Variants in HNRNPL observed in about 807,000 individuals in gnomAD.
HNRNPL encodes the protein epididymis secretory sperm binding protein.
A neutral mutation model predicts 64.0 loss-of-function variants in HNRNPL; 12 were observed. That is an observed-to-expected ratio of 0.19 (90% CI 0.12 to 0.30). The LOEUF (loss-of-function observed/expected upper bound fraction) is 0.30, where lower values mean the gene tolerates loss of function less well. HNRNPL is among the 10% of genes least tolerant of loss of function. HNRNPL has a pLI of 1.00. For synonymous variants in HNRNPL, 385 were observed against 313.0 expected (o/e 1.23, Z -2.43); for missense variants, 484 against 797.4 (o/e 0.61, Z 4.73).
chr19:38,839,094 A>C, intron 8 of HNRNPL, 79 bp from the exon 9 acceptor site: 1 of 1,570,386 alleles, frequency 6.4e-7, no homozygotes, highest in Non-Finnish European at 8.7e-7. Flanking sequence ...GTTAGTGATA[A>C]TAACCCCTGC....
intron 6 of HNRNPL, among the ~76,000 whole-genome samples, chr19:38,842,510 C>A (rs1420708596): frequency 6.6e-6 from 1 of 152,180 alleles, no homozygotes; most frequent in Non-Finnish European, 1.5e-5. Flanking sequence ...TGTCTCTGTG[C>A]TTGTAGCTGT....
chr19:38,843,211 G>A, intron 6 of HNRNPL, among the ~76,000 whole-genome samples: 1 of 152,080 alleles, frequency 6.6e-6, no homozygotes, highest in South Asian at 2.1e-4. Context: ...GTTTCTCATA[G>A]GCAATCCTCC....
In HNRNPL at chr19:38,838,502, C is replaced by T. The variant is rs1400199236; in HGVS notation, c.1452G>A (p.Arg484=). The T allele has an allele frequency of 6.2e-7, 1 of 1,614,082 alleles. No homozygotes were observed. The highest frequency in any genetic ancestry group is 8.5e-7 in the Non-Finnish European group (1 of 1,179,962). The change falls in exon 10 of 13, where the codon CGG becomes CGA. Residue 484 remains arginine (R), a synonymous_variant. Transcript: ENST00000221419. ...YKDFSESRNN[R]FSTPEQAAKN... is the part of the protein sequence containing the mutation. ...TGGCTGCCTGCTCTGGGGTGGAGAA[C>T]CGATTGTTCCGGGATTCACTGAAGT...
Position 38,836,736 on chromosome 19 carries a change from G to C in HNRNPL, c.1756C>G (p.Gln586Glu). The C allele has an allele frequency of 6.2e-7, 1 of 1,612,172 alleles. No individual in the cohort carries two copies. Among genetic ancestry groups the C allele is most frequent in the Non-Finnish European group, 8.5e-7 (1 of 1,178,740 alleles). The change falls in exon 13 of 13, where the codon CAG becomes GAG. Residue 586 changes from glutamine (Q) to glutamate (E), a missense_variant. Transcript: ENST00000221419. ...YTLKLCFSTA[Q>E]HAS is the part of the protein sequence containing the mutation. Reference sequence around the variant, plus strand: ...TAGGCACCTAATTAGGAGGCGTGCTGAGCAGTGGAGAAACACAACTTCAGA... The same window carrying C: ...TAGGCACCTAATTAGGAGGCGTGCTCAGCAGTGGAGAAACACAACTTCAGA...
At position 38,843,849 on chromosome 19, in the gene HNRNPL, A is replaced by C. The variant is rs747073174; in HGVS notation, c.873T>G (p.Ser291Arg). ...AGTGGTCGTCAAGATTACCTTGTCC[A>C]CTGAGATTGGGGTTTGTGTAGTCCC... is the stretch of plus-strand genomic sequence containing the variant. The part of the protein sequence containing the change: ...DTWDYTNPNL[S>R]GQGDPGSNPN... The change falls in exon 6 of 13, where the codon AGT becomes AGG. Residue 291 changes from serine (S) to arginine (R), a missense_variant. Transcript: ENST00000221419. 1.2e-6 allele frequency: 2 copies of C among 1,613,568 alleles called. No homozygotes were observed. The highest frequency in any genetic ancestry group is 1.7e-6 in the Non-Finnish European group (2 of 1,179,444).
upstream of HNRNPL, chr19:38,850,442 G>A (rs1972472480): frequency 6.4e-6 from 1 of 157,050 alleles, no homozygotes; most frequent in African/African-American, 2.4e-5. Flanking sequence ...GGTTACAGAT[G>A]CCCATTCTTC....
chr19:38,837,781 A>C (rs978069930), intron 10 of HNRNPL, 130 bp from the exon 11 acceptor site: 7 of 730,344 alleles, frequency 9.6e-6, no homozygotes, highest in African/African-American at 1.8e-5. Flanking sequence ...ATTTTATCAC[A>C]TACCCTAAGG....
intron 4 of HNRNPL, chr19:38,845,265 G>A: frequency 5.7e-6 from 1 of 175,396 alleles, no homozygotes; most frequent in Non-Finnish European, 1.2e-5. Flanking sequence ...ATCCTACTAG[G>A]AAGGCTGAGG....
At chr19:38,850,148 G>A (rs1437311252), upstream of HNRNPL, 3 of 494,348 alleles carry the variant, frequency 6.1e-6, no homozygotes, top group African/African-American at 2.0e-5. Flanking sequence ...GCCCTTGTTT[G>A]TCTGAGACAC....
chr19:38,845,829 C>T (rs971587337), intron 3 of HNRNPL, 24 bp downstream of exon 3: 1 of 1,607,216 alleles, frequency 6.2e-7, no homozygotes, highest in Non-Finnish European at 8.5e-7. Context: ...GGAGACCTCA[C>T]AAGAAATGCC....
chr19:38,845,046 A>C (rs1450596259), intron 4 of HNRNPL: 1 of 152,248 alleles, frequency 6.6e-6, no homozygotes, highest in Non-Finnish European at 1.5e-5. Context: ...TCCCAGGGGC[A>C]CATTTTCTCA....
chr19:38,848,590 G>C (rs1311715189), intron 1 of HNRNPL, among the ~76,000 whole-genome samples: 1 of 152,218 alleles, frequency 6.6e-6, no homozygotes, highest in Non-Finnish European at 1.5e-5. Flanking sequence ...TGGAAGGTGG[G>C]TAGAATTGGA....
rs377146945 is a variant in HNRNPL at position 38,838,585 on chromosome 19, G to T, written c.1369C>A (p.Pro457Thr). The change falls in exon 10 of 13, where the codon CCA becomes ACA. Residue 457 changes from proline (P) to threonine (T), a missense_variant. This residue lies in a region of HNRNPL where 53 missense variants were observed against 131.3 expected (regional missense o/e 0.40). Transcript: ENST00000221419. ...TATGACTGACCAGGCATGATGGCTG[G>T]CTGCTTGGAGACACTGCAGCAAGGA... ...QKLNVCVSKQ[P>T]AIMPGQSYGL... 3.6e-5 allele frequency: 58 copies of T among 1,613,832 alleles called. No individual in the cohort carries two copies. Among genetic ancestry groups the T allele is most frequent in the Non-Finnish European group, 4.8e-5 (57 of 1,179,912 alleles).
Position 38,837,669 on chromosome 19 carries a change from T to C in HNRNPL, c.1558-18A>G, listed in dbSNP as rs763191870. On this transcript the variant is annotated intron_variant, in intron 10 of 12. Coordinates refer to ENST00000221419, the MANE Select transcript of HNRNPL (RefSeq NM_001533.3). ...TCGCAGATCTGCAAAAGAAAACAGG[T>C]AGTAAATGAACTCTGAAACAAAAGG... 6.2e-7 allele frequency: 1 copy of C among 1,612,784 alleles called. No individual in the cohort carries two copies. Among genetic ancestry groups the C allele is most frequent in the East Asian group, 2.2e-5 (1 of 44,866 alleles).
intron 9 of HNRNPL, 75 bp downstream of exon 9, chr19:38,838,819 C>T: frequency 6.3e-7 from 1 of 1,591,390 alleles, no homozygotes; most frequent in South Asian, 1.1e-5. Context: ...CCTCACTGTG[C>T]TCCTCTGCTG....
rs1191326386 is a variant in HNRNPL at position 38,838,404 on chromosome 19, A to T, written c.1550T>A (p.Phe517Tyr). Residue 517 changes from phenylalanine to tyrosine, a missense_variant, in exon 10 of 13, where the codon TTC (phenylalanine) becomes TAC (tyrosine). By Grantham distance (22) the Phe-to-Tyr change is conservative. Coordinates refer to ENST00000221419, the MANE Select transcript of HNRNPL (RefSeq NM_001533.3). ...CAGCTCCACGGCACACACCTCAAAG[A>T]AGTTCTCCTCGGTCACCTCCAGCGG... ...NAPLEVTEEN[F>Y]FEICDELGVK... 2 of 1,610,276 alleles carry T rather than the reference A, an allele frequency of 1.2e-6. No homozygotes were observed. The highest frequency in any genetic ancestry group is 4.5e-5 in the East Asian group (2 of 44,798).
At chr19:38,840,655 C>G in intron 6 of HNRNPL, 96 bp from the exon 7 acceptor site, 1 of 999,358 alleles carries the variant, frequency 1.0e-6, no homozygotes, top group Non-Finnish European at 1.5e-6. Flanking sequence ...CCAGCTCCTG[C>G]CAACTGCAAG....
At chr19:38,845,475 G>A (rs920293770) in intron 4 of HNRNPL, 175 bp downstream of exon 4, 63 of 626,432 alleles carry the variant, frequency 1.0e-4, no homozygotes, top group Non-Finnish European at 1.5e-4. Context: ...ACGTCCACAC[G>A]ATATGCCTGG....
intron 2 of HNRNPL, 40 bp from the exon 3 acceptor site, chr19:38,846,130 T>A (rs1972285601): frequency 2.8e-6 from 4 of 1,440,182 alleles, no homozygotes; most frequent in Admixed American, 3.4e-5. Flanking sequence ...CTCAGGAAAA[T>A]GTAGACAGGA....
Sources: allele counts gnomAD v4.1 joint callset (sites outside exome capture counted in the v4.1 genomes callset), GRCh38; gene constraint gnomAD v4.1.1; regional missense constraint gnomAD v4.1.1; transcripts MANE v1.5; gene names NCBI Gene and HGNC (gene_info 2026-07-23, HGNC 2026-07-21).